TNRC18: variants seen among roughly 807,000 people sequenced by gnomAD.
TNRC18 encodes the protein trinucleotide repeat-containing gene 18 protein.
A neutral mutation model predicts 226.7 loss-of-function variants in TNRC18; 69 were observed. That is an observed-to-expected ratio of 0.30 (90% confidence interval 0.25 to 0.37). TNRC18 has a LOEUF of 0.37. Among genes scored for constraint, TNRC18 ranks in the 10% least tolerant of loss-of-function variants. The pLI is 1.00. For synonymous variants in TNRC18, 2,449 were observed against 1,927.6 expected, an observed-to-expected ratio of 1.27 and a Z score of -7.09; for missense variants, 4,754 against 4,256.6, an observed-to-expected ratio of 1.12 and a Z score of -3.25.
At chr7:5,308,637 G>A (rs1047242283) in intron 29 of TNRC18, among the ~76,000 whole-genome samples, 4 of 152,162 alleles carry the variant, frequency 2.6e-5, no homozygotes, top group Non-Finnish European at 5.9e-5. Flanking sequence ...CAGAGGGCAA[G>A]AATGGCCAGA....
intron 16 of TNRC18, among the ~76,000 whole-genome samples, chr7:5,352,350 G>A (rs1395955142): frequency 2.6e-5 from 4 of 151,248 alleles, no homozygotes; most frequent in African/African-American, 9.9e-5. Flanking sequence ...TTCCTAGACT[G>A]GATGCTGCCA....
intron 4 of TNRC18, 123 bp from the exon 5 acceptor site, chr7:5,389,459 TGG>T (rs1780114015): frequency 4.1e-5 from 45 of 1,088,950 alleles, no homozygotes; most frequent in Middle Eastern, 3.5e-4. Context: ...GTTTTGGTTT[TGG>T]TTTTTTTTTT....
chr7:5,370,807 C>T lies in TNRC18; in HGVS notation c.3787G>A (p.Glu1263Lys). Residue 1263 changes from glutamate to lysine, a missense_variant, in exon 11 of 30, where the codon GAG becomes AAG. Coordinates refer to ENST00000430969, the MANE Select transcript of TNRC18 (RefSeq NM_001080495.3). The stretch of plus-strand genomic sequence containing the variant: ...ACCACGGGCACCGCCACAGGCACCT[C>T]CACCGGCTCCTCCTTGGCCTCCACC... ...TLVEAKEEPV[E>K]VPVAVPVVEA... 6.2e-7 allele frequency: 1 copy of T among 1,608,254 alleles called. No individual in the cohort carries two copies. The highest frequency in any genetic ancestry group is 8.5e-7 in the Non-Finnish European group (1 of 1,178,668).
rs907846985 is a variant in TNRC18 at position 5,388,669 on chromosome 7, C to T, written c.1155G>A (p.Pro385=). Residue 385 remains proline (P), a synonymous_variant, in exon 5 of 30, where the codon CCG becomes CCA. Transcript: ENST00000430969. The part of the protein sequence containing the change: ...VPSVEAFDER[P]GPIQIASQAR... ...CCTGGGATGCGATCTGGATGGGCCC[C>T]GGGCGCTCGTCGAAGGCCTCCACGG... The T allele has an allele frequency of 1.6e-6, 2 of 1,269,128 alleles. No homozygotes were observed. Among genetic ancestry groups the T allele is most frequent in the African/African-American group, 1.6e-5 (1 of 62,680 alleles). 78.6% of individuals were successfully genotyped at this position (1,269,128 alleles called of 1,614,324 possible).
At position 5,377,038 on chromosome 7, in the gene TNRC18, A is replaced by T. The variant is rs141210997; in HGVS notation, c.2462-45T>A. 1.3e-5 allele frequency: 20 copies of T among 1,543,728 alleles called. No individual in the cohort carries two copies. Among genetic ancestry groups the T allele is most frequent in the Non-Finnish European group, 1.7e-5 (19 of 1,146,574 alleles). ...CCTGAGTCAGTGCTGGGAGCCCCCA[A>T]GCGGTTTGTCCTCGGGCAGCCCCAG... On this transcript the variant is annotated intron_variant, in intron 7 of 29. Transcript: ENST00000430969. The surrounding 1 kb of genome is among the most constrained non-coding windows in gnomAD (Gnocchi z 5.8).
At chr7:5,374,935 C>T (rs893757040) in intron 9 of TNRC18, among the ~76,000 whole-genome samples, 1 of 152,212 alleles carries the variant, frequency 6.6e-6, no homozygotes, top group African/African-American at 2.4e-5. Flanking sequence ...AGGAGGAAGC[C>T]AGGCATGTCT....
At chr7:5,353,626 C>A (rs1284279505) in intron 16 of TNRC18, among the ~76,000 whole-genome samples, 2 of 151,470 alleles carry the variant, frequency 1.3e-5, no homozygotes, top group African/African-American at 2.4e-5. Flanking sequence ...ACTGAAAAAG[C>A]AAGAGGAGAC....
intron 18 of TNRC18, among the ~76,000 whole-genome samples, chr7:5,343,663 C>A (rs531477513): frequency 6.6e-6 from 1 of 152,280 alleles, no homozygotes; most frequent in African/African-American, 2.4e-5. Context: ...CTGAGCTCAA[C>A]CAATCCTCCT....
chr7:5,356,824 GAGGGGC>G lies in TNRC18; in HGVS notation c.5194+86_5194+91del, dbSNP rs386709722. The G allele has an allele frequency of 5.8e-4, 789 of 1,352,510 alleles. 23 individuals are homozygous for G. The African/African-American group carries it at 0.013, about 23-fold the overall frequency. 83.8% of individuals were successfully genotyped at this position (1,352,510 alleles called of 1,614,324 possible). On this transcript the variant is annotated intron_variant, in intron 16 of 29. Coordinates refer to ENST00000430969, the MANE Select transcript of TNRC18 (RefSeq NM_001080495.3). ...AGAGAGCGAGAGCGAGAGAGAGAGT[GAGGGGC>G]GGGGGGGGAAGGAGGACGGTGGAGA... is the stretch of plus-strand genomic sequence containing the variant.
chr7:5,420,388 T>C (rs941247700), intron 2 of TNRC18: 8 of 455,858 alleles, frequency 1.8e-5, no homozygotes, highest in Non-Finnish European at 3.1e-5. Context: ...CTCCGCACCC[T>C]CTTTCGCGCT....
At chr7:5,360,222 T>C (rs1357873941) in intron 14 of TNRC18, among the ~76,000 whole-genome samples, 1 of 151,616 alleles carries the variant, frequency 6.6e-6, no homozygotes, top group Non-Finnish European at 1.5e-5. Context: ...TTTATTTATT[T>C]ATTTATTTAT....
chr7:5,367,707 C>G (rs1324194473), intron 11 of TNRC18, among the ~76,000 whole-genome samples: 1 of 151,410 alleles, frequency 6.6e-6, no homozygotes, highest in Non-Finnish European at 1.5e-5. Context: ...GGATTACAGG[C>G]GTGTGCCACC....
chr7:5,420,227 A>G, intron 2 of TNRC18: 1 of 355,996 alleles, frequency 2.8e-6, no homozygotes, highest in Non-Finnish European at 5.6e-6. Flanking sequence ...GAAATGGTGG[A>G]GGCCGCGGGA....
At chr7:5,356,615 C>A (rs10274937) in intron 16 of TNRC18, among the ~76,000 whole-genome samples, 98,446 of 152,074 alleles carry the variant, frequency 0.65, 32,687 homozygotes, top group African/African-American at 0.76. Context: ...AGGCAAATGG[C>A]GGGCGGGCAA....
At position 5,307,935 on chromosome 7, in the gene TNRC18, CGT is replaced by C; in HGVS notation, c.*169_*170del. On this transcript the variant is annotated 3_prime_UTR_variant, in exon 30 of 30. Coordinates refer to ENST00000430969, the MANE Select transcript of TNRC18 (RefSeq NM_001080495.3). ...AGGCATGTGCACATGCGTGCACACA[CGT>C]GCATGCACACACACTCACCCGGGCA... 1 of 631,672 alleles carries C rather than the reference CGT, an allele frequency of 1.6e-6. No homozygotes were observed. The highest frequency in any genetic ancestry group is 2.8e-6 in the Non-Finnish European group (1 of 362,718). 39.1% of individuals were successfully genotyped at this position (631,672 alleles called of 1,614,324 possible).
At position 5,324,374 on chromosome 7, in the gene TNRC18, C is replaced by A. The variant is rs752481895; in HGVS notation, c.6301-19G>T. 1 of 1,611,980 alleles carries A rather than the reference C, an allele frequency of 6.2e-7. No individual in the cohort carries two copies. The highest frequency in any genetic ancestry group is 8.5e-7 in the Non-Finnish European group (1 of 1,179,526). On this transcript the variant is annotated intron_variant, in intron 20 of 29. Coordinates refer to ENST00000430969, the MANE Select transcript of TNRC18 (RefSeq NM_001080495.3). This position sits in a 1 kb window ranked among gnomAD's most constrained non-coding sequence, Gnocchi z 4.8. ...CGCGGTTCTGGGGACAGAACATGGC[C>A]GACAAATGACTTAGGACCTGAACAG...
chr7:5,318,365 C>G (rs1314645157), intron 24 of TNRC18, among the ~76,000 whole-genome samples: 1 of 151,898 alleles, frequency 6.6e-6, no homozygotes, highest in African/African-American at 2.4e-5. Flanking sequence ...TTCAAGAAAA[C>G]AGAAGGGGTT....
In TNRC18 at chr7:5,394,059, G is replaced by A. The variant is rs963101308; in HGVS notation, c.343+381C>T. On this transcript the variant is annotated intron_variant, in intron 3 of 29. Transcript: ENST00000430969. This position sits in a 1 kb window ranked among gnomAD's most constrained non-coding sequence, Gnocchi z 4.5. Reference sequence around the variant, plus strand: ...CTGTGTACCAGGGATACAGTGCTGAGTAGATCACACTAGGCCCTGAACTCA... The same window carrying A: ...CTGTGTACCAGGGATACAGTGCTGAATAGATCACACTAGGCCCTGAACTCA... Among the ~76,000 whole-genome samples the A allele has an allele frequency of 3.9e-5, 6 of 152,144 alleles. No homozygotes were observed. Among genetic ancestry groups the A allele is most frequent in the African/African-American group, 1.4e-4 (6 of 41,416 alleles).
At position 5,388,915 on chromosome 7, in the gene TNRC18, C is replaced by T. The variant is rs1158514936; in HGVS notation, c.909G>A (p.Gly303=). 4.4e-6 allele frequency: 6 copies of T among 1,368,136 alleles called. No individual in the cohort carries two copies. Among genetic ancestry groups the T allele is most frequent in the Non-Finnish European group, 5.7e-6 (6 of 1,057,110 alleles). The allele number at this position is 1,368,136 out of a possible 1,614,324, so 84.7% of individuals were successfully genotyped here. Residue 303 remains glycine, a synonymous_variant, in exon 5 of 30, where the codon GGG becomes GGA. Coordinates refer to ENST00000430969, the MANE Select transcript of TNRC18 (RefSeq NM_001080495.3). Reference sequence around the variant, plus strand: ...CCTGCCGGGCAGCCTCCTTGGCACCCCCGCGCCCCGCTTCGGCCACCAGCG... The same window carrying T: ...CCTGCCGGGCAGCCTCCTTGGCACCTCCGCGCCCCGCTTCGGCCACCAGCG... ...LPALVAEAGR[G]GAKEAARQDE...
Sources: allele counts gnomAD v4.1 joint callset (sites outside exome capture counted in the v4.1 genomes callset), GRCh38; gene constraint gnomAD v4.1.1; non-coding constraint Gnocchi (gnomAD v3.1); transcripts MANE v1.5; gene names NCBI Gene and HGNC (gene_info 2026-07-23, HGNC 2026-07-21).